DTX4: variants seen among roughly 807,000 people sequenced by gnomAD.
DTX4 encodes the protein E3 ubiquitin-protein ligase DTX4.
DTX4 carries 28 observed loss-of-function variants against 57.6 expected under a neutral mutation model. That is an observed-to-expected ratio of 0.49 (90% CI 0.36 to 0.67). The LOEUF (loss-of-function observed/expected upper bound fraction) is 0.67, where lower values mean the gene tolerates loss of function less well. DTX4 is among the 30% of genes least tolerant of loss of function. The pLI is 0.00. For synonymous variants in DTX4, 316 were observed against 331.0 expected, an observed-to-expected ratio of 0.95 and a Z score of 0.49; for missense variants, 715 against 836.8, an observed-to-expected ratio of 0.85 and a Z score of 1.80.
chr11:59,189,419 A>G, intron 4 of DTX4, 96 bp downstream of exon 4: 1 of 1,259,416 alleles, frequency 7.9e-7, no homozygotes, highest in Non-Finnish European at 1.1e-6. Context: ...CCACGGCTTC[A>G]CCCTCTGTGC....
At chr11:59,179,503 C>G (rs1456636349) in intron 1 of DTX4, among the ~76,000 whole-genome samples, 1 of 152,242 alleles carries the variant, frequency 6.6e-6, no homozygotes, top group African/African-American at 2.4e-5. Flanking sequence ...CTGCCCCTCC[C>G]CTATTCTGAG....
chr11:59,201,954 A>G (rs568926944), intron 8 of DTX4, among the ~76,000 whole-genome samples: 14 of 152,280 alleles, frequency 9.2e-5, no homozygotes, highest in Admixed American at 8.5e-4. Flanking sequence ...GCATCCATTT[A>G]GCTCATTCCT....
intron 8 of DTX4, 71 bp from the exon 9 acceptor site, chr11:59,204,605 C>T (rs973023513): frequency 7.1e-7 from 1 of 1,400,248 alleles, no homozygotes; most frequent in South Asian, 1.3e-5. Context: ...GGAGGATTCT[C>T]TACCGTCCAA....
rs375117122 is a variant in DTX4, at chr11:59,195,383, T to C, written c.1536+14T>C. ...CCCGGCATTCAGGTGAGCCTTTCTC[T>C]CAGGTGAGCCTTTCTGTCACCCCTT... On this transcript the variant is annotated intron_variant, in intron 7 of 8. Transcript: ENST00000227451. 6.3e-6 allele frequency: 10 copies of C among 1,592,510 alleles called. No individual in the cohort carries two copies. The African/African-American group carries it at 1.3e-4, about 21-fold the overall frequency.
At chr11:59,194,590 C>A (rs185653396) in intron 6 of DTX4, among the ~76,000 whole-genome samples, 5 of 152,294 alleles carry the variant, frequency 3.3e-5, no homozygotes, top group Middle Eastern at 3.4e-3. Context: ...CTCCCAACAA[C>A]CCGATGAGAC....
At chr11:59,194,087 G>C (rs191873171) in intron 6 of DTX4, among the ~76,000 whole-genome samples, 2 of 152,234 alleles carry the variant, frequency 1.3e-5, no homozygotes, top group East Asian at 3.9e-4. Context: ...GTACACCCCT[G>C]CATCCAGAAC....
chr11:59,172,166 C>T lies in DTX4; in HGVS notation c.-430C>T, dbSNP rs1160332287. On this transcript the variant is annotated 5_prime_UTR_variant, in exon 1 of 9. Coordinates refer to ENST00000227451, the MANE Select transcript of DTX4 (RefSeq NM_015177.2). ...GCGGCCGTGCGGCGAGATCCCACCC[C>T]GGCGTCTGCAGAGGCCGAGGCGCAA... 3.9e-5 allele frequency among the ~76,000 whole-genome samples: 6 copies of T among 152,056 alleles called. No homozygotes were observed. Among genetic ancestry groups the T allele is most frequent in the Non-Finnish European group, 7.4e-5 (5 of 67,972 alleles).
rs1454084180 is a variant in DTX4, at chr11:59,208,429, T to C, written c.*3520T>C. The C allele has an allele frequency of 6.6e-6, 1 of 152,344 alleles. No homozygotes were observed. Among genetic ancestry groups the C allele is most frequent in the East Asian group, 1.9e-4 (1 of 5,188 alleles). 9.4% of individuals were successfully genotyped at this position (152,344 alleles called of 1,614,324 possible). ...AAGTGAACGTGTGGGAGAAAAACAC[T>C]TTTAGAATCACGAATATTCACTTTT... On this transcript the variant is annotated 3_prime_UTR_variant, in exon 9 of 9. Coordinates refer to ENST00000227451, the MANE Select transcript of DTX4 (RefSeq NM_015177.2).
chr11:59,195,101 G>A (rs754197917), intron 6 of DTX4, 107 bp from the exon 7 acceptor site: 2 of 1,119,006 alleles, frequency 1.8e-6, no homozygotes, highest in Non-Finnish European at 2.7e-6. Flanking sequence ...TCACCAGGGT[G>A]CATTTTGTTC....
intron 2 of DTX4, among the ~76,000 whole-genome samples, chr11:59,184,471 T>C (rs1862503945): frequency 6.6e-6 from 1 of 152,278 alleles, no homozygotes; most frequent in Non-Finnish European, 1.5e-5. Context: ...TCAGTCAGTA[T>C]AGGCTGCTGT....
At position 59,208,035 on chromosome 11, in the gene DTX4, G is replaced by C. The variant is rs1862837345; in HGVS notation, c.*3126G>C. Reference sequence around the variant, plus strand: ...AGATTGGGGGTTCTGGGAGAGGCAGGTGAATGTCCTAAGTGAATTGTTCTG... The same window carrying C: ...AGATTGGGGGTTCTGGGAGAGGCAGCTGAATGTCCTAAGTGAATTGTTCTG... On this transcript the variant is annotated 3_prime_UTR_variant, in exon 9 of 9. Coordinates refer to ENST00000227451, the MANE Select transcript of DTX4 (RefSeq NM_015177.2). The C allele has an allele frequency of 6.6e-6, 1 of 152,594 alleles. No individual in the cohort carries two copies. Among genetic ancestry groups the C allele is most frequent in the African/African-American group, 2.4e-5 (1 of 41,398 alleles). The allele number at this position is 152,594 out of a possible 1,614,324, so 9.5% of individuals were successfully genotyped here.
chr11:59,174,454 A>C (rs1390841843), intron 1 of DTX4, among the ~76,000 whole-genome samples: 1 of 144,720 alleles, frequency 6.9e-6, no homozygotes, highest in Non-Finnish European at 1.5e-5. Context: ...CCAGAGAGAG[A>C]GAGAGAGACC....
In DTX4 at chr11:59,188,758, A is replaced by C. The variant is rs756182233; in HGVS notation, c.959A>C (p.Asn320Thr). ...ASGVPTVPVKNLNGSSPVNPA... is the reference protein window; with the variant it reads ...ASGVPTVPVKTLNGSSPVNPA... The stretch of plus-strand genomic sequence containing the variant: ...AGGGTCCCCACAGTCCCAGTGAAGA[A>C]CCTAAATGGGTCCAGTCCTGTCAAC... The change falls in exon 3 of 9, where the codon AAC (asparagine) becomes ACC (threonine). Residue 320 changes from asparagine (N) to threonine (T), a missense_variant. Transcript: ENST00000227451. 2 of 1,613,920 alleles carry C rather than the reference A, an allele frequency of 1.2e-6. No individual in the cohort carries two copies. Among genetic ancestry groups the C allele is most frequent in the Non-Finnish European group, 1.7e-6 (2 of 1,179,890 alleles).
intron 2 of DTX4, among the ~76,000 whole-genome samples, chr11:59,186,583 T>C (rs1185130851): frequency 6.6e-6 from 1 of 152,140 alleles, no homozygotes. Context: ...GCCATTTTTT[T>C]CTCAGATATT....
rs1862800368 is a variant in DTX4, at chr11:59,205,898, C to T, written c.*989C>T. On this transcript the variant is annotated 3_prime_UTR_variant, in exon 9 of 9. Transcript: ENST00000227451. The stretch of plus-strand genomic sequence containing the variant: ...CTTGAAGGGAAGGCCCGTCATGTCC[C>T]TGCACTCTGTTTTGCAAGATGCCAA... 6.5e-6 allele frequency: 1 copy of T among 152,798 alleles called. No individual in the cohort carries two copies. The highest frequency in any genetic ancestry group is 6.5e-5 in the Admixed American group (1 of 15,280). The allele number at this position is 152,798 out of a possible 1,614,324, so 9.5% of individuals were successfully genotyped here.
chr11:59,178,624 G>A (rs1309185115), intron 1 of DTX4, among the ~76,000 whole-genome samples: 1 of 152,210 alleles, frequency 6.6e-6, no homozygotes, highest in Non-Finnish European at 1.5e-5. Flanking sequence ...GAGCTCCACA[G>A]TGGCATTCCT....
rs577917348 is a variant in DTX4, at chr11:59,179,713, C to T, written c.212-2026C>T. On this transcript the variant is annotated intron_variant, in intron 1 of 8. Transcript: ENST00000227451. ...ACTTAGGAACTGGTGTGCAGCCAAA[C>T]TTGGCCCAGGTGGGCAGAGTGGGCG... Among the ~76,000 whole-genome samples, 8 of 152,342 alleles carry T rather than the reference C, an allele frequency of 5.3e-5. No homozygotes were observed. The South Asian group carries it at 1.7e-3, about 32-fold the overall frequency.
rs761090812 is a variant in DTX4 at position 59,205,753 on chromosome 11, C to G, written c.*844C>G. 6.5e-6 allele frequency: 1 copy of G among 152,878 alleles called. No individual in the cohort carries two copies. Among genetic ancestry groups the G allele is most frequent in the Non-Finnish European group, 1.5e-5 (1 of 68,216 alleles). The allele number at this position is 152,878 out of a possible 1,614,324, so 9.5% of individuals were successfully genotyped here. A position where few individuals can be genotyped will look rare whatever the true frequency, so the allele number is the denominator to read the frequency against. The stretch of plus-strand genomic sequence containing the variant: ...GCCTTCTTCCCAACTCATTCTAGAC[C>G]AGCTCAAAGATTCCATGAGTTTCAT... On this transcript the variant is annotated 3_prime_UTR_variant, in exon 9 of 9. Transcript: ENST00000227451.
At chr11:59,178,593 A>G in intron 1 of DTX4, among the ~76,000 whole-genome samples, 1 of 152,240 alleles carries the variant, frequency 6.6e-6, no homozygotes, top group East Asian at 1.9e-4. Flanking sequence ...CAGACACTGC[A>G]TTAGGCACTA....
Sources: gnomAD v4.1 joint callset for allele counts (sites outside exome capture counted in the v4.1 genomes callset) on GRCh38, gnomAD v4.1.1 for gene constraint, MANE v1.5 for transcripts, NCBI Gene and HGNC (gene_info 2026-07-23, HGNC 2026-07-21) for gene names.